DOCK9: variants seen among roughly 807,000 people sequenced by gnomAD.
DOCK9 encodes dedicator of cytokinesis protein 9.
DOCK9 carries 89 observed loss-of-function variants against 263.3 expected under a neutral mutation model. That is an observed-to-expected ratio of 0.34 (90% confidence interval 0.28 to 0.40). DOCK9 has a LOEUF of 0.40. Among genes scored for constraint, DOCK9 ranks in the 10% least tolerant of loss-of-function variants. The pLI is 1.00. For synonymous variants in DOCK9, 976 were observed against 973.1 expected (o/e 1.00, Z -0.06); for missense variants, 2,140 against 2,603.4 (o/e 0.82, Z 3.87).
At chr13:98,796,953 C>A (rs1343262928) in intron 52 of DOCK9, among the ~76,000 whole-genome samples, 162 bp downstream of exon 52, 2 of 152,106 alleles carry the variant, frequency 1.3e-5, no homozygotes, top group Non-Finnish European at 2.9e-5. Context: ...GTTAGCTGTT[C>A]CCAAATGACC....
intron 1 of DOCK9, among the ~76,000 whole-genome samples, chr13:99,002,530 T>C (rs750191074): frequency 3.5e-4 from 53 of 152,202 alleles, no homozygotes; most frequent in Non-Finnish European, 8.8e-5. Flanking sequence ...TCTTCTATCC[T>C]TCTCCACGGT....
chr13:99,027,080 C>T lies in DOCK9; in HGVS notation c.129+59143G>A, dbSNP rs552720664. ...TGTCGCCCAGGCTGGAGTGTAGTGC[C>T]ACAATCTCGGCTCACTGCAACCTCT... On this transcript the variant is annotated intron_variant, in intron 1 of 32. Coordinates refer to the DOCK9 transcript ENST00000427887. Among the ~76,000 whole-genome samples the T allele has an allele frequency of 1.9e-4, 29 of 152,176 alleles. No individual in the cohort carries two copies. In the South Asian group the frequency reaches 3.5e-3, roughly 19 times the overall value.
At chr13:98,892,140 T>C (rs1050922579) in intron 15 of DOCK9, among the ~76,000 whole-genome samples, 1 of 152,206 alleles carries the variant, frequency 6.6e-6, no homozygotes, top group African/African-American at 2.4e-5. Context: ...ATACAGACAC[T>C]TGCAGGATGC....
chr13:98,971,416 G>A lies in DOCK9; in HGVS notation c.126+6368C>T, dbSNP rs185892841. Among the ~76,000 whole-genome samples, 3 of 152,286 alleles carry A rather than the reference G, an allele frequency of 2.0e-5. No individual in the cohort carries two copies. In the East Asian group the frequency reaches 5.8e-4, roughly 29 times the overall value. On this transcript the variant is annotated intron_variant, in intron 1 of 52. Transcript: ENST00000682017. ...GGATCATCTATAAATTTTTTAAAAA[G>A]GAAAATAGGGGCCGGGCGCGGTGGC...
chr13:99,007,733 CTG>C (rs1241643556), intron 1 of DOCK9, among the ~76,000 whole-genome samples: 9 of 152,214 alleles, frequency 5.9e-5, no homozygotes, highest in South Asian at 4.1e-4. Flanking sequence ...CCTGATATGA[CTG>C]TGTTACTTGC....
chr13:98,853,793 G>A (rs543568648), intron 34 of DOCK9, among the ~76,000 whole-genome samples: 1 of 152,140 alleles, frequency 6.6e-6, no homozygotes, highest in Non-Finnish European at 1.5e-5. Context: ...GATAAACACA[G>A]CTTTAGCTAT....
chr13:98,807,585 A>G, intron 48 of DOCK9, 76 bp downstream of exon 48: 1 of 1,294,800 alleles, frequency 7.7e-7, no homozygotes, highest in Non-Finnish European at 1.0e-6. Context: ...TTTTTTCTAT[A>G]TACATTTAAA....
chr13:98,998,298 T>C (rs927047566), intron 1 of DOCK9, among the ~76,000 whole-genome samples: 3 of 152,048 alleles, frequency 2.0e-5, no homozygotes, highest in African/African-American at 7.2e-5. Flanking sequence ...CCCCTGAAGG[T>C]AGGACCCACC....
chr13:99,073,276 G>A (rs2041762483), intron 1 of DOCK9, among the ~76,000 whole-genome samples: 1 of 152,032 alleles, frequency 6.6e-6, no homozygotes. Flanking sequence ...GGCTCAGAGA[G>A]TCAGCTAAGG....
intron 7 of DOCK9, 112 bp downstream of exon 7, chr13:98,920,842 T>C: frequency 9.6e-7 from 1 of 1,037,824 alleles, no homozygotes; most frequent in South Asian, 1.8e-5. Flanking sequence ...ATATGTTATA[T>C]TTCTACCATG....
At chr13:98,944,132 GA>G (rs1174905733) in intron 2 of DOCK9, among the ~76,000 whole-genome samples, 1 of 152,094 alleles carries the variant, frequency 6.6e-6, no homozygotes, top group Admixed American at 6.5e-5. Context: ...ATTTTAAAAA[GA>G]AAAGAAGAAT....
chr13:98,903,452 G>A (rs1274445404), intron 10 of DOCK9, among the ~76,000 whole-genome samples: 1 of 152,030 alleles, frequency 6.6e-6, no homozygotes, highest in East Asian at 1.9e-4. Flanking sequence ...AAATTAGCCA[G>A]GTGTGGTAGT....
intron 2 of DOCK9, among the ~76,000 whole-genome samples, chr13:98,933,078 G>A (rs1175520877): frequency 6.6e-6 from 1 of 152,152 alleles, no homozygotes; most frequent in East Asian, 1.9e-4. Context: ...CACTAACTGT[G>A]TTATGATCTG....
At chr13:99,032,065 T>C (rs1422700347) in intron 1 of DOCK9, among the ~76,000 whole-genome samples, 1 of 152,240 alleles carries the variant, frequency 6.6e-6, no homozygotes, top group African/African-American at 2.4e-5. Flanking sequence ...GAACTAATGA[T>C]AACCCATCAG....
At chr13:98,801,036 T>C (rs1057102651) in intron 49 of DOCK9, among the ~76,000 whole-genome samples, 2 of 152,230 alleles carry the variant, frequency 1.3e-5, no homozygotes, top group Admixed American at 1.3e-4. Flanking sequence ...CTTAGCACTT[T>C]GGGAGGCCAA....
At chr13:98,821,912 A>G (rs1449186007) in intron 45 of DOCK9, among the ~76,000 whole-genome samples, 2 of 152,230 alleles carry the variant, frequency 1.3e-5, no homozygotes, top group Non-Finnish European at 2.9e-5. Context: ...TTATACACTT[A>G]TCTCCCACCA....
intron 2 of DOCK9, among the ~76,000 whole-genome samples, chr13:98,947,473 C>A (rs9517502): frequency 0.41 from 59,356 of 145,626 alleles, 12,497 homozygotes; most frequent in East Asian, 0.56. Context: ...TTAAAATTCT[C>A]ATATCCTCAA....
At chr13:99,018,711 T>A (rs1885720522) in intron 1 of DOCK9, among the ~76,000 whole-genome samples, 2 of 152,222 alleles carry the variant, frequency 1.3e-5, no homozygotes, top group Non-Finnish European at 2.9e-5. Context: ...CAGAATGAAC[T>A]TGAGTTGTTC....
In DOCK9 at chr13:99,086,257, C is replaced by T. The variant is rs555962759; in HGVS notation, c.95G>A (p.Ser32Asn). Residue 32 changes from serine to asparagine, a missense_variant, in exon 1 of 33, where the codon AGC becomes AAC. By Grantham distance (46) the Ser-to-Asn change is conservative. Coordinates refer to the DOCK9 transcript ENST00000427887. Reference sequence around the variant, plus strand: ...GGAGCCGCGCACCACCTCAGACACGCTCTGCCGCAGCTCGGCCGCCGTGCC... The same window carrying T: ...GGAGCCGCGCACCACCTCAGACACGTTCTGCCGCAGCTCGGCCGCCGTGCC... 1.2e-4 allele frequency: 180 copies of T among 1,501,714 alleles called. 3 individuals carry two copies. In the South Asian group the frequency reaches 2.1e-3, roughly 18 times the overall value. 93.0% of individuals were successfully genotyped at this position (1,501,714 alleles called of 1,614,324 possible). A position where few individuals can be genotyped will look rare whatever the true frequency, so the allele number is the denominator to read the frequency against.
Sources: gnomAD v4.1 joint callset for allele counts (sites outside exome capture counted in the v4.1 genomes callset) on GRCh38, gnomAD v4.1.1 for gene constraint, MANE v1.5 for transcripts, NCBI Gene and HGNC (gene_info 2026-07-23, HGNC 2026-07-21) for gene names.